The following ABCC12 variants were observed in gnomAD, a reference collection of about 807,000 sequenced individuals.
The protein encoded by ABCC12 is ATP binding cassette subfamily C member 12.
In ABCC12, 142 loss-of-function variants were observed where a neutral mutation model predicts 151.1. The observed-to-expected ratio is 0.94, with a 90% CI of 0.82 to 1.08. ABCC12 has a LOEUF of 1.08. Ranked by LOEUF, ABCC12 falls within the 50% of genes least tolerant of loss-of-function variation. The pLI is 0.00. For missense variants in ABCC12, 1,638 were observed against 1,691.1 expected (o/e 0.97, Z 0.55); for synonymous variants, 645 against 646.4 (o/e 1.00, Z 0.03).
chr16:48,137,135 T>G (rs985853515), intron 8 of ABCC12, among the ~76,000 whole-genome samples: 8 of 151,904 alleles, frequency 5.3e-5, no homozygotes, highest in Non-Finnish European at 7.3e-5. Flanking sequence ...ATGTCTTGCA[T>G]AGTCCAGGAG....
intron 10 of ABCC12, among the ~76,000 whole-genome samples, chr16:48,129,893 T>C (rs1964365265): frequency 1.3e-5 from 2 of 152,214 alleles, no homozygotes; most frequent in Non-Finnish European, 1.5e-5. Context: ...GGTGTCCTTA[T>C]GTTTGTTCAA....
intron 2 of ABCC12, among the ~76,000 whole-genome samples, chr16:48,153,102 TA>T (rs1023605670): frequency 9.2e-5 from 14 of 152,264 alleles, no homozygotes; most frequent in African/African-American, 3.4e-4. Context: ...ACTCCTGCTC[TA>T]AAAAAATAAA....
chr16:48,104,073 C>G (rs1363345023), intron 22 of ABCC12, 69 bp downstream of exon 22: 15 of 1,500,726 alleles, frequency 1.0e-5, no homozygotes, highest in Non-Finnish European at 1.4e-5. Flanking sequence ...ACTCCATGCT[C>G]AATATCACCT....
In ABCC12 at chr16:48,086,671, A is replaced by T. The variant is rs189112805; in HGVS notation, c.3714+70T>A. ...CTGGCCTAGGTGCTTGTCAAATTTA[A>T]ACATAGGCCAGGAATCTAGGGCAGT... On this transcript the variant is annotated intron_variant, in intron 28 of 30. Transcript: ENST00000311303. The T allele has an allele frequency of 3.4e-4, 478 of 1,400,508 alleles. No homozygotes were observed. In the African/African-American group the frequency reaches 6.3e-3, roughly 18 times the overall value. The allele number at this position is 1,400,508 out of a possible 1,614,324, so 86.8% of individuals were successfully genotyped here. A position where few individuals can be genotyped will look rare whatever the true frequency, so the allele number is the denominator to read the frequency against.
At chr16:48,115,814 A>AC (rs1350240490) in intron 14 of ABCC12, among the ~76,000 whole-genome samples, 196 bp from the exon 15 acceptor site, 1 of 152,088 alleles carries the variant, frequency 6.6e-6, no homozygotes, top group African/African-American at 2.4e-5. Flanking sequence ...CCACTTGTCT[A>AC]CCTCTCCAGG....
At chr16:48,139,450 T>C in intron 6 of ABCC12, 114 bp from the exon 7 acceptor site, 4 of 1,200,760 alleles carry the variant, frequency 3.3e-6, no homozygotes, top group Non-Finnish European at 4.6e-6. Context: ...AAAACTTCTC[T>C]AAAGCAGGAA....
chr16:48,089,249 A>G (rs1962773974), intron 25 of ABCC12, among the ~76,000 whole-genome samples: 1 of 152,216 alleles, frequency 6.6e-6, no homozygotes, highest in Admixed American at 6.5e-5. Context: ...GGAAGCTCAT[A>G]CTGGGCCTGT....
At position 48,130,853 on chromosome 16, in the gene ABCC12, T is replaced by G; in HGVS notation, c.1171A>C (p.Ile391Leu). 6.2e-7 allele frequency: 1 copy of G among 1,613,886 alleles called. No individual in the cohort carries two copies. The highest frequency in any genetic ancestry group is 8.5e-7 in the Non-Finnish European group (1 of 1,179,844). ...IAMFNVMKFS[I>L]AILPFSIKAM... The stretch of plus-strand genomic sequence containing the variant: ...TTGATGGAGAAGGGCAAGATTGCAA[T>G]GGAAAACTTCATTACATTAAACATG... The change falls in exon 10 of 31, where the codon ATT becomes CTT. Residue 391 changes from isoleucine to leucine, a missense_variant. Coordinates refer to ENST00000311303, the MANE Select transcript of ABCC12 (RefSeq NM_001393797.1).
intron 3 of ABCC12, 39 bp downstream of exon 3, chr16:48,146,267 C>T: frequency 6.3e-7 from 1 of 1,591,192 alleles, no homozygotes; most frequent in Middle Eastern, 1.7e-4. Flanking sequence ...TCCTGGAGGT[C>T]CTGCCCTGGC....
At chr16:48,142,155 A>G (rs1315924050) in intron 4 of ABCC12, among the ~76,000 whole-genome samples, 1 of 152,088 alleles carries the variant, frequency 6.6e-6, no homozygotes, top group Non-Finnish European at 1.5e-5. Flanking sequence ...CGGAGATGGG[A>G]AAAAGCAGAA....
chr16:48,097,260 T>A (rs911985497), intron 23 of ABCC12, among the ~76,000 whole-genome samples: 16 of 152,048 alleles, frequency 1.1e-4, no homozygotes, highest in African/African-American at 3.9e-4. Context: ...AAAGGATCCC[T>A]ATCGTGGAGT....
At chr16:48,118,209 C>T (rs1821652310) in intron 13 of ABCC12, among the ~76,000 whole-genome samples, 1 of 152,180 alleles carries the variant, frequency 6.6e-6, no homozygotes, top group African/African-American at 2.4e-5. Flanking sequence ...GGCCTTCTGG[C>T]ACCGAGGAAC....
chr16:48,122,657 C>T (rs1964111351), intron 12 of ABCC12, among the ~76,000 whole-genome samples: 2 of 151,928 alleles, frequency 1.3e-5, no homozygotes, highest in African/African-American at 4.8e-5. Flanking sequence ...CCAAGGCGGC[C>T]GAAGGATGTG....
chr16:48,087,375 C>T (rs1962662094), intron 27 of ABCC12: 1 of 155,934 alleles, frequency 6.4e-6, no homozygotes, highest in Non-Finnish European at 1.4e-5. Context: ...TTCCTCTCAT[C>T]ACAGAGAGAG....
intron 1 of ABCC12, among the ~76,000 whole-genome samples, chr16:48,155,019 C>A (rs997806673): frequency 6.6e-6 from 1 of 152,246 alleles, no homozygotes; most frequent in Non-Finnish European, 1.5e-5. Context: ...CAGGCCCTGC[C>A]TGCACCGCAC....
chr16:48,133,759 G>C lies in ABCC12; in HGVS notation c.1056C>G (p.Ile352Met). ...TCAGCACGATGGCTATGGTGGACACGATGGGGGCCAGGGCAGAGTTTCCAC... is the reference window on the plus strand; with the variant it reads ...TCAGCACGATGGCTATGGTGGACACCATGGGGGCCAGGGCAGAGTTTCCAC... The part of the protein sequence containing the change: ...VQSGNSALAP[I>M]VSTIAIVLTL... Residue 352 changes from isoleucine (I) to methionine (M), a missense_variant, in exon 9 of 31, where the codon ATC becomes ATG. Ile to Met is a conservative substitution (Grantham distance 10). Coordinates refer to ENST00000311303, the MANE Select transcript of ABCC12 (RefSeq NM_001393797.1). 1 of 1,614,142 alleles carries C rather than the reference G, an allele frequency of 6.2e-7. No homozygotes were observed. The highest frequency in any genetic ancestry group is 1.3e-5 in the African/African-American group (1 of 75,022).
In ABCC12 at chr16:48,144,066, C is replaced by T. The variant is rs773093356; in HGVS notation, c.120-1G>A. The stretch of plus-strand genomic sequence containing the variant: ...ATCATCCACCGGGTTGGGTGCTAAC[C>T]TGCAGACAAACAAGACACTCAGCGT... On this transcript the variant is annotated splice_acceptor_variant, in intron 3 of 30. Transcript: ENST00000311303. LOFTEE classifies it high-confidence loss of function. The T allele has an allele frequency of 8.7e-6, 14 of 1,612,022 alleles. No homozygotes were observed. The highest frequency in any genetic ancestry group is 1.1e-5 in the Non-Finnish European group (13 of 1,178,794).
chr16:48,088,770 C>T (rs375652849), intron 25 of ABCC12, 36 bp from the exon 26 acceptor site: 10 of 1,545,436 alleles, frequency 6.5e-6, no homozygotes, highest in Non-Finnish European at 8.8e-6. Context: ...AGTGACTAGC[C>T]ATTTGTTTTT....
chr16:48,155,299 C>G (rs1016306508), intron 1 of ABCC12, among the ~76,000 whole-genome samples: 1 of 150,700 alleles, frequency 6.6e-6, no homozygotes, highest in African/African-American at 2.4e-5. Flanking sequence ...CATTCCGACA[C>G]GATCAAAGAA....
Sources: gnomAD v4.1 joint callset for allele counts (sites outside exome capture counted in the v4.1 genomes callset) on GRCh38, gnomAD v4.1.1 for gene constraint, MANE v1.5 for transcripts, NCBI Gene and HGNC (gene_info 2026-07-23, HGNC 2026-07-21) for gene names.